Variants in ACAP2 observed in about 807,000 individuals in gnomAD.
The protein encoded by ACAP2 is ArfGAP with coiled-coil, ankyrin repeat and PH domains 2.
ACAP2 carries 39 observed loss-of-function variants against 115.8 expected under a neutral mutation model. The observed-to-expected ratio is 0.34, with a 90% CI of 0.26 to 0.44. The LOEUF is 0.44. ACAP2 is among the 20% of genes least tolerant of loss of function. The pLI is 1.00. For synonymous variants in ACAP2, 289 were observed against 315.8 expected, an observed-to-expected ratio of 0.92 and a Z score of 0.90; for missense variants, 662 against 927.6, an observed-to-expected ratio of 0.71 and a Z score of 3.72.
At chr3:195,424,816 C>CTGTG (rs1714537613) in intron 1 of ACAP2, among the ~76,000 whole-genome samples, 1 of 144,378 alleles carries the variant, frequency 6.9e-6, no homozygotes, top group South Asian at 2.2e-4. Context: ...ATTCAAGAGG[C>CTGTG]TGTGGTGAGA....
intron 8 of ACAP2, among the ~76,000 whole-genome samples, chr3:195,331,819 T>G (rs895799933): frequency 2.0e-5 from 3 of 152,168 alleles, no homozygotes; most frequent in Admixed American, 6.6e-5. Flanking sequence ...CATATAAAAT[T>G]TGTATGTATA....
At chr3:195,342,344 C>A (rs1214808632) in intron 6 of ACAP2, 127 bp downstream of exon 6, 3 of 916,066 alleles carry the variant, frequency 3.3e-6, no homozygotes, top group Non-Finnish European at 4.6e-6. Context: ...AAATTTTCCA[C>A]CTAAGATTAT....
intron 2 of ACAP2, among the ~76,000 whole-genome samples, chr3:195,388,548 T>C (rs1208670990): frequency 2.0e-5 from 3 of 152,204 alleles, no homozygotes; most frequent in South Asian, 2.1e-4. Context: ...AATGATACTA[T>C]AGGTGGAACT....
intron 1 of ACAP2, among the ~76,000 whole-genome samples, chr3:195,439,430 CA>C (rs1230020449): frequency 6.6e-6 from 1 of 151,932 alleles, no homozygotes; most frequent in South Asian, 2.1e-4. Flanking sequence ...CCTCTTGTCT[CA>C]GCCTTCCAAA....
At chr3:195,366,473 C>T (rs897050449) in intron 4 of ACAP2, among the ~76,000 whole-genome samples, 6 of 152,260 alleles carry the variant, frequency 3.9e-5, no homozygotes, top group Admixed American at 1.3e-4. Flanking sequence ...AAAAGCTTGC[C>T]AGGTGTGACC....
At chr3:195,385,930 A>G (rs1734271327) in intron 2 of ACAP2, among the ~76,000 whole-genome samples, 1 of 152,254 alleles carries the variant, frequency 6.6e-6, no homozygotes, top group Non-Finnish European at 1.5e-5. Flanking sequence ...AATAACATTA[A>G]GAGTACTCTG....
At chr3:195,321,047 G>A (rs6767801) in intron 9 of ACAP2, among the ~76,000 whole-genome samples, 90 of 151,878 alleles carry the variant, frequency 5.9e-4, no homozygotes, top group Middle Eastern at 3.4e-3. Flanking sequence ...TTGTGATGAC[G>A]TAAGGACATA....
intron 2 of ACAP2, among the ~76,000 whole-genome samples, chr3:195,389,889 G>A (rs1040276924): frequency 3.3e-5 from 5 of 152,182 alleles, no homozygotes; most frequent in East Asian, 3.8e-4. Context: ...CAAGAAGAGC[G>A]CTGAACTGAT....
Position 195,278,880 on chromosome 3 carries a change from G to T in ACAP2, c.*448C>A, listed in dbSNP as rs3087885. ...ACACCTATTTCTGAACCACCAAAAA[G>T]CCTCAGGGAAGCTAAAGAAAACACA... On this transcript the variant is annotated 3_prime_UTR_variant, in exon 23 of 23. Coordinates refer to ENST00000326793, the MANE Select transcript of ACAP2 (RefSeq NM_012287.6). 0.85 allele frequency: 130,129 copies of T among 153,008 alleles called. 55,811 individuals carry two copies. Among genetic ancestry groups the T allele is most frequent in the African/African-American group, 0.96 (39,730 of 41,556 alleles). The allele number at this position is 153,008 out of a possible 1,614,324, so 9.5% of individuals were successfully genotyped here. A position where few individuals can be genotyped will look rare whatever the true frequency, so the allele number is the denominator to read the frequency against.
At chr3:195,344,625 A>G (rs1461755560) in intron 5 of ACAP2, among the ~76,000 whole-genome samples, 1 of 151,894 alleles carries the variant, frequency 6.6e-6, no homozygotes, top group Non-Finnish European at 1.5e-5. Context: ...GGTTCAAGCG[A>G]TTCTCCTGCC....
chr3:195,323,931 C>T (rs1729608290), intron 9 of ACAP2, among the ~76,000 whole-genome samples: 1 of 152,052 alleles, frequency 6.6e-6, no homozygotes, highest in African/African-American at 2.4e-5. Context: ...GTTTGTAACA[C>T]AAAGGATAAA....
chr3:195,285,892 T>A lies in ACAP2; in HGVS notation c.2175-35A>T, dbSNP rs370703520. The A allele has an allele frequency of 6.8e-4, 994 of 1,452,932 alleles. 4 individuals are homozygous for A. The Middle Eastern group carries it at 8.6e-3, about 13-fold the overall frequency. The allele number at this position is 1,452,932 out of a possible 1,614,324, so 90.0% of individuals were successfully genotyped here. ...AATAAAATAGTGTTTTAGATGACAT[T>A]ATATAATATAAATGTCATAAATAAA... is the stretch of plus-strand genomic sequence containing the variant. On this transcript the variant is annotated intron_variant, in intron 21 of 22. Transcript: ENST00000326793.
chr3:195,442,307 A>C, intron 1 of ACAP2: 1 of 155,148 alleles, frequency 6.4e-6, no homozygotes, highest in Non-Finnish European at 1.4e-5. Flanking sequence ...CTCCCCGGGG[A>C]AGGGGGGCAG....
chr3:195,356,017 C>A (rs1473872251), intron 4 of ACAP2: 1 of 440,980 alleles, frequency 2.3e-6, no homozygotes, highest in African/African-American at 2.0e-5. Context: ...CAACCACCTA[C>A]ACAAAAAGCA....
At chr3:195,377,871 T>C (rs1417556907) in intron 4 of ACAP2, among the ~76,000 whole-genome samples, 1 of 152,226 alleles carries the variant, frequency 6.6e-6, no homozygotes, top group African/African-American at 2.4e-5. Flanking sequence ...CAAAAAGTTC[T>C]TCATGTATAG....
intron 18 of ACAP2, among the ~76,000 whole-genome samples, chr3:195,293,869 C>T (rs1247387282): frequency 2.0e-5 from 3 of 151,444 alleles, no homozygotes; most frequent in Non-Finnish European, 4.4e-5. Context: ...CTCGGTGGCT[C>T]GCGCCTGCAA....
intron 5 of ACAP2, among the ~76,000 whole-genome samples, chr3:195,342,963 T>C (rs774011120): frequency 2.7e-5 from 4 of 147,104 alleles, no homozygotes; most frequent in Non-Finnish European, 5.9e-5. Flanking sequence ...ACCACTATAC[T>C]CCAGCCTGGT....
At chr3:195,337,008 T>C (rs1293859706) in intron 6 of ACAP2, 32 bp from the exon 7 acceptor site, 18 of 1,586,812 alleles carry the variant, frequency 1.1e-5, no homozygotes, top group Middle Eastern at 1.7e-4. Flanking sequence ...TAATCACCCA[T>C]GCATTATTTT....
chr3:195,363,192 T>G (rs1002324355), intron 4 of ACAP2, among the ~76,000 whole-genome samples: 1 of 152,122 alleles, frequency 6.6e-6, no homozygotes, highest in Admixed American at 6.5e-5. Context: ...GTAATCCCAT[T>G]TACAATTGCT....
Sources: gnomAD v4.1 joint callset for allele counts (sites outside exome capture counted in the v4.1 genomes callset) on GRCh38, gnomAD v4.1.1 for gene constraint, MANE v1.5 for transcripts, NCBI Gene and HGNC (gene_info 2026-07-23, HGNC 2026-07-21) for gene names.